Variants in MRPL34 observed in about 807,000 individuals in gnomAD.
The protein encoded by MRPL34 is mitochondrial ribosomal protein L34.
A neutral mutation model predicts 6.7 loss-of-function variants in MRPL34; 8 were observed. The observed-to-expected ratio is 1.20, with a 90% CI of 0.70 to 2.16. The LOEUF is 2.16. MRPL34 is among the 30% of genes most tolerant of loss of function. The pLI is 0.00. For synonymous variants in MRPL34, 59 were observed against 55.1 expected (o/e 1.07, Z -0.31); for missense variants, 146 against 125.5 (o/e 1.16, Z -0.78).
At chr19:17,303,433 T>TC (rs1301089436), upstream of MRPL34, 2 of 152,182 alleles carry the variant, frequency 1.3e-5, no homozygotes, top group African/African-American at 4.8e-5. Flanking sequence ...TTTAAGTTCC[T>TC]CCCCCGAGTA....
upstream of MRPL34, chr19:17,303,541 G>C (rs891275879): frequency 1.3e-5 from 2 of 152,362 alleles, no homozygotes; most frequent in African/African-American, 4.8e-5. Context: ...CAATTCCGTA[G>C]TGGAGGCGGG....
upstream of MRPL34, among the ~76,000 whole-genome samples, chr19:17,299,560 C>CAAAA (rs567760409): frequency 8.4e-4 from 43 of 51,474 alleles, 1 homozygote; most frequent in South Asian, 1.6e-3. Flanking sequence ...GACTCCATCT[C>CAAAA]AAAAAAAAAA....
chr19:17,305,134 A>G (rs977550897), upstream of MRPL34, among the ~76,000 whole-genome samples: 11 of 151,920 alleles, frequency 7.2e-5, no homozygotes, highest in African/African-American at 2.7e-4. Flanking sequence ...AGGGTTTTGC[A>G]TGCCTGATGG....
In MRPL34 at chr19:17,306,577, C is replaced by T. The variant is rs1316434756; in HGVS notation, c.*198C>T. 9 of 551,994 alleles carry T rather than the reference C, an allele frequency of 1.6e-5. No individual in the cohort carries two copies. The highest frequency in any genetic ancestry group is 2.9e-5 in the Non-Finnish European group (9 of 315,026). 34.2% of individuals were successfully genotyped at this position (551,994 alleles called of 1,614,324 possible). On this transcript the variant is annotated 3_prime_UTR_variant, in exon 2 of 2. Transcript: ENST00000252602. ...TTAATTAGGAAGCATTTCGAACCTG[C>T]GCAACAGACCAAAGAACAGTACAAA...
upstream of MRPL34, chr19:17,303,058 C>G (rs895495925): frequency 6.6e-6 from 1 of 152,222 alleles, no homozygotes; most frequent in Non-Finnish European, 1.5e-5. Flanking sequence ...AGGCGCCACC[C>G]CAGCCCCGCT....
In MRPL34 at chr19:17,294,564, CCCCGATGCCA is replaced by C. The variant is rs1370042134; in HGVS notation, c.214+1711_214+1720del. 8.9e-5 allele frequency: 144 copies of C among 1,610,396 alleles called. 1 individual carries two copies. The highest frequency in any genetic ancestry group is 1.2e-4 in the Non-Finnish European group (140 of 1,178,456). On this transcript the variant is annotated intron_variant, in intron 1 of 2. Coordinates refer to the MRPL34 transcript ENST00000595444. ...TGCCAGCCCGACTGCCGTGGGGTGCCCCCGATGCCAGCCCTAGTCCCAGCGGTACAGTCCC... is the reference window on the plus strand; with the variant it reads ...TGCCAGCCCGACTGCCGTGGGGTGCCGCCCTAGTCCCAGCGGTACAGTCCC...
upstream of MRPL34, chr19:17,301,592 T>C: frequency 6.4e-7 from 1 of 1,569,202 alleles, no homozygotes; most frequent in Non-Finnish European, 8.6e-7. Context: ...CAACAGAAGA[T>C]ACCGTCGGTC....
At chr19:17,301,051 G>A (rs1313135880), upstream of MRPL34, 2 of 1,613,466 alleles carry the variant, frequency 1.2e-6, no homozygotes, top group Non-Finnish European at 1.7e-6. Flanking sequence ...CTTCCAGATG[G>A]CCAGGGAACC....
At chr19:17,304,643 A>G (rs951249445), upstream of MRPL34, among the ~76,000 whole-genome samples, 2 of 152,130 alleles carry the variant, frequency 1.3e-5, no homozygotes, top group African/African-American at 4.8e-5. Context: ...TCATTTAGCA[A>G]ACACCTCTCT....
chr19:17,306,420 C>A lies in MRPL34; in HGVS notation c.*41C>A, dbSNP rs773882196. 79 of 1,514,150 alleles carry A rather than the reference C, an allele frequency of 5.2e-5. No homozygotes were observed. The Admixed American group carries it at 1.7e-3, about 32-fold the overall frequency. 93.8% of individuals were successfully genotyped at this position (1,514,150 alleles called of 1,614,324 possible). A position where few individuals can be genotyped will look rare whatever the true frequency, so the allele number is the denominator to read the frequency against. ...CGGCGGGACCCTCATGGAAGCATCG[C>A]CCTCGCCTCGGACCTTGCCTGGCGC... On this transcript the variant is annotated 3_prime_UTR_variant, in exon 2 of 2. Coordinates refer to ENST00000252602, the MANE Select transcript of MRPL34 (RefSeq NM_023937.4).
At chr19:17,296,664 T>C (rs1180397524) in intron 1 of MRPL34, 1 of 152,146 alleles carries the variant, frequency 6.6e-6, no homozygotes, top group Non-Finnish European at 1.5e-5. Flanking sequence ...GTTTACACTT[T>C]TGGAGATTTG....
chr19:17,293,344 G>T (rs148142522), intron 1 of MRPL34, among the ~76,000 whole-genome samples: 2 of 151,836 alleles, frequency 1.3e-5, no homozygotes, highest in African/African-American at 2.4e-5. Context: ...CGATCTGCCC[G>T]CCTCGGTCTC....
upstream of MRPL34, chr19:17,305,832 G>A (rs760743573): frequency 4.0e-6 from 6 of 1,509,440 alleles, no homozygotes; most frequent in South Asian, 6.7e-5. Flanking sequence ...TTGTTCCAGG[G>A]CTGGAGCGGC....
At chr19:17,293,851 G>T (rs2074081608) in intron 1 of MRPL34, among the ~76,000 whole-genome samples, 1 of 151,982 alleles carries the variant, frequency 6.6e-6, no homozygotes, top group Non-Finnish European at 1.5e-5. Flanking sequence ...GAACCACCTC[G>T]CCGGGCTAGT....
intron 1 of MRPL34, chr19:17,296,627 G>A (rs2074094789): frequency 6.6e-6 from 1 of 152,082 alleles, no homozygotes. Context: ...ACGGCCTGTG[G>A]GCTAGTCATT....
At chr19:17,299,240 C>CG (rs1555720796), upstream of MRPL34, among the ~76,000 whole-genome samples, 155 of 148,016 alleles carry the variant, frequency 1.0e-3, 2 homozygotes, top group Middle Eastern at 3.6e-3. Flanking sequence ...TGAGACCCCC[C>CG]CCCCATTCTC....
At chr19:17,300,973 G>A (rs768218913), upstream of MRPL34, 3 of 1,613,464 alleles carry the variant, frequency 1.9e-6, no homozygotes, top group Non-Finnish European at 2.5e-6. Flanking sequence ...CGCAGAGCTG[G>A]CCCCGTGGCC....
At chr19:17,301,742 G>A (rs2074120309), upstream of MRPL34, 7 of 1,212,862 alleles carry the variant, frequency 5.8e-6, no homozygotes, top group Non-Finnish European at 2.2e-6. Context: ...GGGAGCGCCA[G>A]ATCAAGTGAG....
chr19:17,294,144 G>A lies in MRPL34; in HGVS notation c.214+1290G>A. On this transcript the variant is annotated intron_variant, in intron 1 of 2. Transcript: ENST00000595444. ...GGGTCAGAACAAGATACAGCAACTA[G>A]AGGCCACGCCCACCCGGCAGCCACG... The A allele has an allele frequency of 5.1e-6, 5 of 972,328 alleles. 1 individual carries two copies. The highest frequency in any genetic ancestry group is 7.5e-6 in the Non-Finnish European group (5 of 670,572). 60.2% of individuals were successfully genotyped at this position (972,328 alleles called of 1,614,324 possible). A position where few individuals can be genotyped will look rare whatever the true frequency, so the allele number is the denominator to read the frequency against.
Sources: gnomAD v4.1 joint callset for allele counts (sites outside exome capture counted in the v4.1 genomes callset) on GRCh38, gnomAD v4.1.1 for gene constraint, MANE v1.5 for transcripts, NCBI Gene and HGNC (gene_info 2026-07-23, HGNC 2026-07-21) for gene names.